Variants in MAF observed in about 807,000 individuals in gnomAD.
MAF encodes the protein MAF bZIP transcription factor, also known as transcription factor Maf.
In MAF, 10 loss-of-function variants were observed where a neutral mutation model predicts 22.0. That is an observed-to-expected ratio of 0.45 (90% CI 0.28 to 0.77). The LOEUF is 0.77. Among genes scored for constraint, MAF ranks in the 30% least tolerant of loss-of-function variants. MAF has a pLI of 0.12. For missense variants in MAF, 544 were observed against 548.4 expected (o/e 0.99, Z 0.08); for synonymous variants, 337 against 255.8 (o/e 1.32, Z -3.03).
chr16:79,343,645 T>C, the MAF span, among the ~76,000 whole-genome samples: 1 of 152,224 alleles, frequency 6.6e-6, no homozygotes, highest in East Asian at 1.9e-4. Flanking sequence ...AATTTTGTGG[T>C]AAAGGCCATT....
the MAF span, among the ~76,000 whole-genome samples, chr16:79,398,338 G>A: frequency 1.3e-5 from 2 of 152,186 alleles, no homozygotes; most frequent in East Asian, 3.8e-4. Context: ...TTAACTTGCA[G>A]TATGGAAATT....
chr16:79,522,676 G>A, the MAF span, among the ~76,000 whole-genome samples: 2 of 152,176 alleles, frequency 1.3e-5, no homozygotes, highest in Non-Finnish European at 2.9e-5. Context: ...CCAGTAAAGT[G>A]CTCTGGGAGT....
chr16:79,213,749 T>C, the MAF span, among the ~76,000 whole-genome samples: 1 of 152,140 alleles, frequency 6.6e-6, no homozygotes. Flanking sequence ...GCTGTGCCAA[T>C]TCAGAGGAGA....
the MAF span, among the ~76,000 whole-genome samples, chr16:79,440,104 C>G: frequency 6.6e-6 from 1 of 152,206 alleles, no homozygotes; most frequent in Non-Finnish European, 1.5e-5. Context: ...GGACATGGTT[C>G]AAGTTCTCCT....
At chr16:79,385,368 G>T in the MAF span, among the ~76,000 whole-genome samples, 23 of 152,190 alleles carry the variant, frequency 1.5e-4, no homozygotes, top group Non-Finnish European at 2.6e-4. Flanking sequence ...GTCTCTGCCC[G>T]AGTGAGGGTT....
chr16:79,564,747 T>C, the MAF span, among the ~76,000 whole-genome samples: 2 of 152,154 alleles, frequency 1.3e-5, no homozygotes, highest in Non-Finnish European at 2.9e-5. Flanking sequence ...CTGTGGAGCA[T>C]GTGTGGGGTG....
the MAF span, among the ~76,000 whole-genome samples, chr16:79,479,093 C>T: frequency 6.6e-6 from 1 of 151,774 alleles, no homozygotes; most frequent in African/African-American, 2.4e-5. Context: ...TTCTAGTGCA[C>T]CCGTGCACCA....
chr16:79,571,897 G>A, the MAF span, among the ~76,000 whole-genome samples: 1 of 152,100 alleles, frequency 6.6e-6, no homozygotes, highest in Non-Finnish European at 1.5e-5. Flanking sequence ...AGTGCAACAA[G>A]GTCAAAGAAT....
the MAF span, among the ~76,000 whole-genome samples, chr16:79,270,076 C>G: frequency 6.6e-6 from 1 of 151,876 alleles, no homozygotes; most frequent in South Asian, 2.1e-4. Flanking sequence ...GAATTCAAGT[C>G]TCCTAGCTAC....
chr16:79,415,855 C>A, the MAF span, among the ~76,000 whole-genome samples: 12 of 151,934 alleles, frequency 7.9e-5, no homozygotes, highest in Non-Finnish European at 1.5e-5. Flanking sequence ...AGTCACAAAC[C>A]CCTTGACAAA....
At chr16:79,501,533 C>A in the MAF span, among the ~76,000 whole-genome samples, 1 of 151,728 alleles carries the variant, frequency 6.6e-6, no homozygotes, top group African/African-American at 2.4e-5. Flanking sequence ...TGCTTGAGGC[C>A]ACATTGCATT....
the MAF span, among the ~76,000 whole-genome samples, chr16:79,484,198 T>A: frequency 2.0e-5 from 3 of 152,132 alleles, no homozygotes; most frequent in Admixed American, 2.0e-4. Flanking sequence ...CAAACAAACA[T>A]CAGAACCAAG....
At chr16:79,467,893 A>T in the MAF span, among the ~76,000 whole-genome samples, 1 of 151,838 alleles carries the variant, frequency 6.6e-6, no homozygotes, top group Admixed American at 6.6e-5. Context: ...CCTCCTCTCA[A>T]ATAATATTCT....
At chr16:79,333,797 G>A in the MAF span, among the ~76,000 whole-genome samples, 730 of 152,208 alleles carry the variant, frequency 4.8e-3, 11 homozygotes, top group African/African-American at 0.017. Context: ...TCTGATGCTG[G>A]ATCCCAGCAT....
At chr16:79,313,553 G>C in the MAF span, among the ~76,000 whole-genome samples, 1 of 152,168 alleles carries the variant, frequency 6.6e-6, no homozygotes, top group East Asian at 1.9e-4. Flanking sequence ...CAAACACTCT[G>C]AATCTTAAGA....
chr16:79,592,211 A>AGTTTT (rs60266757), downstream of MAF, among the ~76,000 whole-genome samples: 1,495 of 152,218 alleles, frequency 9.8e-3, 27 homozygotes, highest in African/African-American at 0.034. Context: ...TTGTTTGTTT[A>AGTTTT]GTTTTGTTTT....
the MAF span, among the ~76,000 whole-genome samples, chr16:79,558,154 C>T: frequency 6.6e-6 from 1 of 150,804 alleles, no homozygotes; most frequent in Non-Finnish European, 1.5e-5. Flanking sequence ...TTGGGTTTTT[C>T]CTGCCTGTGG....
At chr16:79,370,542 C>A in the MAF span, among the ~76,000 whole-genome samples, 1 of 152,176 alleles carries the variant, frequency 6.6e-6, no homozygotes, top group Non-Finnish European at 1.5e-5. Context: ...CTATAAGGAG[C>A]ATAACTGAAG....
the MAF span, among the ~76,000 whole-genome samples, chr16:79,247,577 G>T: frequency 6.6e-6 from 1 of 152,108 alleles, no homozygotes; most frequent in Non-Finnish European, 1.5e-5. Flanking sequence ...AACACTCTGC[G>T]CAAACATTTC....
Sources: allele counts gnomAD v4.1 joint callset (sites outside exome capture counted in the v4.1 genomes callset), GRCh38; gene constraint gnomAD v4.1.1; transcripts MANE v1.5; gene names NCBI Gene and HGNC (gene_info 2026-07-23, HGNC 2026-07-21).